Variants in SYT9 observed in about 807,000 individuals in gnomAD.
SYT9 encodes the protein synaptotagmin 9.
Under a neutral mutation model 48.4 loss-of-function variants are expected in SYT9, and 22 were observed. The observed-to-expected ratio is 0.45, with a 90% CI of 0.32 to 0.65. The LOEUF is 0.65. Ranked by LOEUF, SYT9 falls within the 30% of genes least tolerant of loss-of-function variation. The probability of loss-of-function intolerance (pLI) is 0.03; values close to 1 mark genes in which losing one functional copy is unlikely to be tolerated. For missense variants in SYT9, 577 were observed against 622.0 expected, an observed-to-expected ratio of 0.93 and a Z score of 0.77; for synonymous variants, 265 against 245.0, an observed-to-expected ratio of 1.08 and a Z score of -0.76.
intron 3 of SYT9, among the ~76,000 whole-genome samples, chr11:7,344,388 A>AT (rs1232699286): frequency 2.7e-5 from 4 of 149,446 alleles, no homozygotes; most frequent in African/African-American, 9.9e-5. Context: ...AAAGAGAGAC[A>AT]TTCTTAATTC....
chr11:7,351,826 G>C (rs536103261), intron 3 of SYT9, among the ~76,000 whole-genome samples: 45 of 152,312 alleles, frequency 3.0e-4, no homozygotes, highest in African/African-American at 1.0e-3. Flanking sequence ...ACTCAGGCCT[G>C]AGAGTAAGGA....
chr11:7,414,518 A>G (rs932494737), intron 3 of SYT9, among the ~76,000 whole-genome samples: 1 of 152,254 alleles, frequency 6.6e-6, no homozygotes, highest in Non-Finnish European at 1.5e-5. Context: ...AGAACAAGCC[A>G]GAGTCTGCTG....
At chr11:7,335,967 T>C (rs771299839) in intron 3 of SYT9, among the ~76,000 whole-genome samples, 1 of 152,182 alleles carries the variant, frequency 6.6e-6, no homozygotes, top group Non-Finnish European at 1.5e-5. Context: ...CAACAGCATA[T>C]AAGCATTCTC....
At chr11:7,276,545 C>T (rs12363517) in intron 1 of SYT9, among the ~76,000 whole-genome samples, 97,269 of 152,042 alleles carry the variant, frequency 0.64, 31,375 homozygotes, top group East Asian at 0.73. Context: ...TAAGGTGCAC[C>T]CCTTGCGTTA....
chr11:7,242,133 A>C (rs1325917808), intron 1 of SYT9, among the ~76,000 whole-genome samples: 1 of 152,268 alleles, frequency 6.6e-6, no homozygotes, highest in Non-Finnish European at 1.5e-5. Flanking sequence ...AAATGGATGC[A>C]TAGGCCAGTC....
Position 7,468,643 on chromosome 11 carries a change from G to C in SYT9, c.*1843G>C. On this transcript the variant is annotated 3_prime_UTR_variant, in exon 7 of 7. Coordinates refer to ENST00000318881, the MANE Select transcript of SYT9 (RefSeq NM_175733.4). ...CAGAAGAATGGTCCCAGAGAAAGCA[G>C]ACTGGCTCCAATAGATATCAGGCAG... is the stretch of plus-strand genomic sequence containing the variant. 4.3e-6 allele frequency: 1 copy of C among 231,450 alleles called. No individual in the cohort carries two copies. Among genetic ancestry groups the C allele is most frequent in the East Asian group, 8.7e-5 (1 of 11,556 alleles). 14.3% of individuals were successfully genotyped at this position (231,450 alleles called of 1,614,324 possible).
chr11:7,314,327 C>A, intron 3 of SYT9: 1 of 381,934 alleles, frequency 2.6e-6, no homozygotes. Flanking sequence ...CATTACCTGA[C>A]TCTGACAGCA....
intron 3 of SYT9, among the ~76,000 whole-genome samples, chr11:7,337,398 T>C (rs920882513): frequency 1.4e-4 from 21 of 152,094 alleles, no homozygotes; most frequent in Non-Finnish European, 2.6e-4. Flanking sequence ...CTACCAATGC[T>C]ATGTTGAATA....
chr11:7,323,919 A>C (rs945717182), intron 3 of SYT9, among the ~76,000 whole-genome samples: 1 of 151,824 alleles, frequency 6.6e-6, no homozygotes, highest in African/African-American at 2.4e-5. Flanking sequence ...GCATTTTATT[A>C]TTAAAGGTGT....
At chr11:7,454,885 G>T (rs1055459274) in intron 6 of SYT9, among the ~76,000 whole-genome samples, 1 of 152,216 alleles carries the variant, frequency 6.6e-6, no homozygotes, top group Non-Finnish European at 1.5e-5. Flanking sequence ...GGAGGCTTCT[G>T]TTTCTAAGTC....
intron 5 of SYT9, among the ~76,000 whole-genome samples, chr11:7,418,696 A>G (rs1470155260): frequency 6.6e-6 from 1 of 152,248 alleles, no homozygotes; most frequent in Non-Finnish European, 1.5e-5. Flanking sequence ...ATTAAAATGT[A>G]TAAGATGCTC....
At chr11:7,356,616 A>G (rs937069694) in intron 3 of SYT9, among the ~76,000 whole-genome samples, 2 of 152,204 alleles carry the variant, frequency 1.3e-5, no homozygotes, top group Admixed American at 6.5e-5. Context: ...ACTTGAGAAC[A>G]TTGGAGATAG....
At chr11:7,419,895 CA>C (rs915869738) in intron 5 of SYT9, among the ~76,000 whole-genome samples, 6 of 150,274 alleles carry the variant, frequency 4.0e-5, no homozygotes, top group Non-Finnish European at 5.9e-5. Context: ...GACTCCATTT[CA>C]AAAAAAAAGA....
At chr11:7,336,577 C>T (rs1379457324) in intron 3 of SYT9, among the ~76,000 whole-genome samples, 1 of 152,152 alleles carries the variant, frequency 6.6e-6, no homozygotes, top group Non-Finnish European at 1.5e-5. Context: ...GTTATCCCAG[C>T]ACCATTTATT....
At chr11:7,308,097 G>A (rs1280103267) in intron 2 of SYT9, among the ~76,000 whole-genome samples, 2 of 152,178 alleles carry the variant, frequency 1.3e-5, no homozygotes, top group African/African-American at 4.8e-5. Context: ...CTTCTTCTGT[G>A]TCTGCCTGTG....
chr11:7,378,586 G>A (rs1423826817), intron 3 of SYT9, among the ~76,000 whole-genome samples: 3 of 151,664 alleles, frequency 2.0e-5, no homozygotes, highest in African/African-American at 7.3e-5. Context: ...AGGGATGAGG[G>A]AGGTGCATAG....
chr11:7,318,839 C>T (rs1003938121), intron 3 of SYT9, among the ~76,000 whole-genome samples: 1 of 152,120 alleles, frequency 6.6e-6, no homozygotes, highest in African/African-American at 2.4e-5. Context: ...TGATATAGTA[C>T]ATTTTCTTTA....
At chr11:7,323,826 A>G (rs1475229971) in intron 3 of SYT9, among the ~76,000 whole-genome samples, 1 of 151,824 alleles carries the variant, frequency 6.6e-6, no homozygotes. Flanking sequence ...GTGTTCAGCT[A>G]TTTGGTTTGC....
intron 3 of SYT9, among the ~76,000 whole-genome samples, chr11:7,387,389 C>A (rs2134055083): frequency 6.6e-6 from 1 of 152,120 alleles, no homozygotes; most frequent in East Asian, 1.9e-4. Flanking sequence ...ATAAAAAAGG[C>A]AATTTATTTT....
Sources: gnomAD v4.1 joint callset for allele counts (sites outside exome capture counted in the v4.1 genomes callset) on GRCh38, gnomAD v4.1.1 for gene constraint, MANE v1.5 for transcripts, NCBI Gene and HGNC (gene_info 2026-07-23, HGNC 2026-07-21) for gene names.